CAMK1D: variants seen among roughly 807,000 people sequenced by gnomAD.
The protein encoded by CAMK1D is calcium/calmodulin dependent protein kinase ID.
A neutral mutation model predicts 47.7 loss-of-function variants in CAMK1D; 9 were observed. The ratio of observed to expected loss-of-function variants is 0.19; its 90% CI spans 0.11 to 0.33. The LOEUF is 0.33. Ranked by LOEUF, CAMK1D falls within the 10% of genes least tolerant of loss-of-function variation. CAMK1D has a pLI of 1.00. For missense variants in CAMK1D, 291 were observed against 488.7 expected (o/e 0.60, Z 3.81); for synonymous variants, 184 against 184.9 (o/e 0.99, Z 0.04).
At chr10:12,545,293 C>A (rs111362050) in intron 1 of CAMK1D, among the ~76,000 whole-genome samples, 2 of 152,028 alleles carry the variant, frequency 1.3e-5, no homozygotes, top group African/African-American at 4.8e-5. Context: ...AACAAAAAAA[C>A]AAAAAAACTA....
At chr10:12,430,203 T>C (rs1162620524) in intron 1 of CAMK1D, among the ~76,000 whole-genome samples, 1 of 152,172 alleles carries the variant, frequency 6.6e-6, no homozygotes, top group Non-Finnish European at 1.5e-5. Context: ...TGTGAGCATT[T>C]GGATGGGACC....
intron 2 of CAMK1D, among the ~76,000 whole-genome samples, chr10:12,646,084 T>C (rs1014328961): frequency 6.6e-6 from 1 of 152,212 alleles, no homozygotes; most frequent in African/African-American, 2.4e-5. Context: ...AAAAAAATTC[T>C]GTCAATCCTT....
intron 1 of CAMK1D, among the ~76,000 whole-genome samples, chr10:12,350,707 G>T (rs542997971): frequency 6.6e-6 from 1 of 152,244 alleles, no homozygotes; most frequent in Non-Finnish European, 1.5e-5. Context: ...CCCAGGAGTT[G>T]GGTCTTGTTT....
rs185109492 is a variant in CAMK1D, at chr10:12,494,820, C to T, written c.93-58405C>T. 4.1e-3 allele frequency among the ~76,000 whole-genome samples: 622 copies of T among 152,272 alleles called. 3 individuals carry two copies. The highest frequency in any genetic ancestry group is 0.015 in the African/African-American group (604 of 41,554). ...CTGACCTCAGGTGATCTGCCCACCT[C>T]GGCCTGCCAAGGTGCTTGGATTACA... On this transcript the variant is annotated intron_variant, in intron 1 of 10. Transcript: ENST00000619168.
At chr10:12,425,371 G>A (rs187923582) in intron 1 of CAMK1D, among the ~76,000 whole-genome samples, 23 of 150,472 alleles carry the variant, frequency 1.5e-4, no homozygotes, top group African/African-American at 5.4e-4. Flanking sequence ...AACTTCTGGC[G>A]TCTAGGTTCC....
At chr10:12,547,682 T>TCTCACACACACACA (rs10643491) in intron 1 of CAMK1D, among the ~76,000 whole-genome samples, 37 of 116,556 alleles carry the variant, frequency 3.2e-4, no homozygotes, top group Admixed American at 4.7e-4. Context: ...TTTCTCTCTC[T>TCTCACACACACACA]CACACACACA....
chr10:12,522,172 G>A (rs1186196259), intron 1 of CAMK1D, among the ~76,000 whole-genome samples: 2 of 136,886 alleles, frequency 1.5e-5, no homozygotes, highest in Non-Finnish European at 3.2e-5. Context: ...GCCTTCTTTT[G>A]TGTTATATGA....
intron 8 of CAMK1D, among the ~76,000 whole-genome samples, chr10:12,820,724 C>T (rs780020433): frequency 6.6e-6 from 1 of 152,238 alleles, no homozygotes; most frequent in Non-Finnish European, 1.5e-5. Flanking sequence ...CAGAGCTCCC[C>T]CTTGGAAGGC....
intron 1 of CAMK1D, among the ~76,000 whole-genome samples, chr10:12,383,801 G>A (rs1838412645): frequency 6.6e-6 from 1 of 152,164 alleles, no homozygotes; most frequent in South Asian, 2.1e-4. Context: ...CCTCAGGAGC[G>A]ACACAAGAGT....
intron 8 of CAMK1D, among the ~76,000 whole-genome samples, chr10:12,823,988 C>G (rs934907938): frequency 3.9e-5 from 6 of 151,910 alleles, no homozygotes; most frequent in African/African-American, 1.5e-4. Context: ...GACCTCGGGT[C>G]TGAGGAAGCT....
At chr10:12,655,530 G>A (rs773023165) in intron 2 of CAMK1D, among the ~76,000 whole-genome samples, 6 of 152,230 alleles carry the variant, frequency 3.9e-5, no homozygotes, top group Admixed American at 6.5e-5. Context: ...GCTTTGGAAT[G>A]TCTGGAGTCT....
At chr10:12,441,631 G>A (rs767815845) in intron 1 of CAMK1D, among the ~76,000 whole-genome samples, 2 of 151,620 alleles carry the variant, frequency 1.3e-5, no homozygotes, top group African/African-American at 2.4e-5. Flanking sequence ...TGGCCAACAC[G>A]GTGAAACCCT....
chr10:12,802,669 T>C (rs960208468), intron 6 of CAMK1D, among the ~76,000 whole-genome samples: 17 of 152,272 alleles, frequency 1.1e-4, no homozygotes, highest in Admixed American at 3.3e-4. Context: ...TACAGCTGTG[T>C]GCCACCACGC....
At chr10:12,471,620 C>A (rs1325295140) in intron 1 of CAMK1D, among the ~76,000 whole-genome samples, 1 of 152,192 alleles carries the variant, frequency 6.6e-6, no homozygotes, top group East Asian at 1.9e-4. Context: ...AATGCCTGCC[C>A]CTTCACTCCC....
chr10:12,623,183 CCGTCCCTCCGTCCCTCCCT>C (rs1839066722), intron 2 of CAMK1D, among the ~76,000 whole-genome samples: 4 of 1,046 alleles, frequency 3.8e-3, no homozygotes, highest in African/African-American at 9.5e-3. Context: ...CTCCCTCCCT[CCGTCCCTCCGTCCCTCCCT>C]CCTTTCTTTC....
intron 2 of CAMK1D, among the ~76,000 whole-genome samples, chr10:12,633,618 A>G (rs765226405): frequency 1.3e-5 from 2 of 151,948 alleles, no homozygotes; most frequent in Non-Finnish European, 2.9e-5. Context: ...GTGCAGTAGC[A>G]CAATCATGGC....
In CAMK1D at chr10:12,805,520, G is replaced by A. The variant is rs921965698; in HGVS notation, c.642-8675G>A. 2.6e-5 allele frequency among the ~76,000 whole-genome samples: 4 copies of A among 151,800 alleles called. No individual in the cohort carries two copies. In the South Asian group the frequency reaches 8.4e-4, roughly 32 times the overall value. Reference sequence around the variant, plus strand: ...CGAGTAGCTGGGATTACAGGCGTGCGCCACCATGCTCGGCTAATTTTATAT... The same window carrying A: ...CGAGTAGCTGGGATTACAGGCGTGCACCACCATGCTCGGCTAATTTTATAT... On this transcript the variant is annotated intron_variant, in intron 6 of 10. Transcript: ENST00000619168.
intron 5 of CAMK1D, among the ~76,000 whole-genome samples, chr10:12,776,536 G>T (rs144861971): frequency 5.3e-5 from 8 of 152,274 alleles, no homozygotes; most frequent in African/African-American, 1.7e-4. Flanking sequence ...ACACAGGCTG[G>T]GTTCCTGTGA....
chr10:12,598,901 T>C (rs1838222475), intron 2 of CAMK1D, among the ~76,000 whole-genome samples: 1 of 152,218 alleles, frequency 6.6e-6, no homozygotes, highest in Admixed American at 6.5e-5. Flanking sequence ...TCGATGTGTG[T>C]GATGTGATGT....
Sources: gnomAD v4.1 joint callset for allele counts (sites outside exome capture counted in the v4.1 genomes callset) on GRCh38, gnomAD v4.1.1 for gene constraint, MANE v1.5 for transcripts, NCBI Gene and HGNC (gene_info 2026-07-23, HGNC 2026-07-21) for gene names.